SAMMSON: variants seen among roughly 807,000 people sequenced by gnomAD.
SAMMSON encodes the protein long intergenic non-protein coding RNA 1212.
chr3:70,016,851 C>A (rs2066988276), intron 3 of SAMMSON, among the ~76,000 whole-genome samples: 1 of 152,124 alleles, frequency 6.6e-6, no homozygotes, highest in South Asian at 2.1e-4. Context: ...GGAATCCTTT[C>A]CCCATTTCTT....
At chr3:70,405,210 T>A (rs1194399460) in intron 2 of SAMMSON, among the ~76,000 whole-genome samples, 1 of 152,150 alleles carries the variant, frequency 6.6e-6, no homozygotes, top group Admixed American at 6.5e-5. Context: ...AAACCCTACA[T>A]GAAAGCTTAT....
chr3:70,265,488 T>C (rs999248931), intron 6 of SAMMSON, among the ~76,000 whole-genome samples: 16 of 140,954 alleles, frequency 1.1e-4, no homozygotes, highest in African/African-American at 3.8e-4. Flanking sequence ...GCTACCTCCA[T>C]ACTCCCTGCA....
At chr3:70,292,988 A>T (rs1702253132) in intron 7 of SAMMSON, among the ~76,000 whole-genome samples, 1 of 150,996 alleles carries the variant, frequency 6.6e-6, no homozygotes, top group South Asian at 2.1e-4. Flanking sequence ...TTTTCCAAAG[A>T]AATAAAGGCT....
intron 4 of SAMMSON, among the ~76,000 whole-genome samples, chr3:70,179,525 G>C (rs1701034914): frequency 6.6e-6 from 1 of 152,136 alleles, no homozygotes; most frequent in African/African-American, 2.4e-5. Context: ...GCAATGCACA[G>C]GGTACACCCC....
intron 6 of SAMMSON, among the ~76,000 whole-genome samples, chr3:70,287,847 G>C (rs1458778084): frequency 6.6e-6 from 1 of 151,866 alleles, no homozygotes; most frequent in Admixed American, 6.6e-5. Flanking sequence ...TATTTGCGTA[G>C]AGGTGTTTGT....
intron 6 of SAMMSON, among the ~76,000 whole-genome samples, chr3:70,255,981 C>T (rs1297168972): frequency 2.0e-5 from 3 of 151,718 alleles, no homozygotes; most frequent in Middle Eastern, 6.9e-3. Context: ...CAAGATCTAC[C>T]CACTTTTCTT....
chr3:70,087,427 G>A (rs1418743969), intron 4 of SAMMSON, among the ~76,000 whole-genome samples: 1 of 152,138 alleles, frequency 6.6e-6, no homozygotes, highest in African/African-American at 2.4e-5. Context: ...CTCAGCCTGA[G>A]ACCTTTTTCT....
intron 3 of SAMMSON, among the ~76,000 whole-genome samples, chr3:70,037,101 A>G (rs937151257): frequency 1.3e-5 from 2 of 151,918 alleles, no homozygotes; most frequent in African/African-American, 2.4e-5. Flanking sequence ...AACATAAGGT[A>G]TGGTACAGGA....
intron 4 of SAMMSON, among the ~76,000 whole-genome samples, chr3:70,101,916 A>C (rs939537233): frequency 6.6e-6 from 1 of 152,212 alleles, no homozygotes; most frequent in Non-Finnish European, 1.5e-5. Context: ...ATTAAAAGTT[A>C]TGAGGTTTTG....
At chr3:70,158,740 A>T (rs937900110) in intron 4 of SAMMSON, among the ~76,000 whole-genome samples, 8 of 152,108 alleles carry the variant, frequency 5.3e-5, no homozygotes, top group African/African-American at 1.2e-4. Context: ...GTTTATTTTT[A>T]AAAAAACAGA....
intron 2 of SAMMSON, among the ~76,000 whole-genome samples, chr3:70,417,845 G>C (rs9817264): frequency 0.64 from 97,531 of 151,962 alleles, 31,533 homozygotes; most frequent in South Asian, 0.7. Context: ...TTAAAGCCAG[G>C]CTGGGTCTTA....
Position 70,366,172 on chromosome 3 carries a change from A to G in SAMMSON, n.913+7848A>G, listed in dbSNP as rs529120180. Among the ~76,000 whole-genome samples, 6 of 71,350 alleles carry G rather than the reference A, an allele frequency of 8.4e-5. 1 individual carries two copies. The South Asian group carries it at 1.4e-3, about 16-fold the overall frequency. 46.8% of individuals were successfully genotyped at this position (71,350 alleles called of 152,430 possible). ...CGCCCGGCTAATTTTTTGTATTTTT[A>G]GTAGAGACGGGGTTTCACCTTGTTA... On this transcript the variant is annotated intron_variant and non_coding_transcript_variant, in intron 9 of 9. Transcript: ENST00000642114.
rs1337841399 is a variant in SAMMSON, at chr3:70,250,530, T to C, written n.674+860T>C. 3.9e-5 allele frequency among the ~76,000 whole-genome samples: 6 copies of C among 152,156 alleles called. No homozygotes were observed. The South Asian group carries it at 1.2e-3, about 32-fold the overall frequency. ...TCTTTGAGCTTTTAGATAAATATTT[T>C]CAACTAATACTTAAAAGAAAAACCA... On this transcript the variant is annotated intron_variant and non_coding_transcript_variant, in intron 6 of 9. Transcript: ENST00000642114.
At chr3:70,165,722 G>A (rs1365897722) in intron 4 of SAMMSON, among the ~76,000 whole-genome samples, 1 of 151,930 alleles carries the variant, frequency 6.6e-6, no homozygotes, top group Non-Finnish European at 1.5e-5. Flanking sequence ...TTAAGTAAAG[G>A]ATATGGAAGA....
intron 4 of SAMMSON, among the ~76,000 whole-genome samples, chr3:70,160,673 CT>C (rs2067611098): frequency 1.3e-5 from 2 of 152,006 alleles, no homozygotes; most frequent in African/African-American, 2.4e-5. Flanking sequence ...TCATCTGGGT[CT>C]TTCCCTTTCC....
intron 4 of SAMMSON, among the ~76,000 whole-genome samples, chr3:70,132,987 G>C (rs1051585312): frequency 1.3e-5 from 2 of 151,972 alleles, no homozygotes; most frequent in African/African-American, 4.8e-5. Context: ...ATAAATGAGA[G>C]AAACAAGTAT....
intron 4 of SAMMSON, among the ~76,000 whole-genome samples, chr3:70,110,354 C>G (rs1349888143): frequency 6.6e-6 from 1 of 152,136 alleles, no homozygotes; most frequent in Non-Finnish European, 1.5e-5. Context: ...TTTGTATCCC[C>G]AGGGTTAATG....
intron 1 of SAMMSON, among the ~76,000 whole-genome samples, chr3:70,007,910 T>C (rs2066935346): frequency 6.6e-6 from 1 of 152,194 alleles, no homozygotes; most frequent in Non-Finnish European, 1.5e-5. Context: ...GGGAATCCTT[T>C]CCCCATTTCT....
At position 70,192,511 on chromosome 3, in the gene SAMMSON, C is replaced by T. The variant is rs115827652; in HGVS notation, n.508-56596C>T. Among the ~76,000 whole-genome samples the T allele has an allele frequency of 8.7e-3, 1,320 of 152,236 alleles. 11 individuals carry two copies. The highest frequency in any genetic ancestry group is 0.012 in the Non-Finnish European group (849 of 68,014). On this transcript the variant is annotated intron_variant and non_coding_transcript_variant, in intron 4 of 9. Coordinates refer to ENST00000642114, the Ensembl canonical transcript of SAMMSON. ...CTCCCCAAACCTGTCTTAAATTACA[C>T]CACATTGTAAATTGTGGCCCAATGA...
Sources: gnomAD v4.1 joint callset for allele counts (sites outside exome capture counted in the v4.1 genomes callset) on GRCh38, gnomAD v4.1.1 for gene constraint, MANE v1.5 for transcripts, NCBI Gene and HGNC (gene_info 2026-07-23, HGNC 2026-07-21) for gene names.